The following PSD3 variants were observed in gnomAD, a reference collection of about 807,000 sequenced individuals.
PSD3 encodes the protein pleckstrin and Sec7 domain containing 3.
PSD3 carries 49 observed loss-of-function variants against 105.5 expected under a neutral mutation model. The observed-to-expected ratio is 0.46, with a 90% CI of 0.37 to 0.59. PSD3 has a LOEUF of 0.59. PSD3 is among the 20% of genes least tolerant of loss of function. PSD3 has a pLI of 0.00. For missense variants in PSD3, 1,561 were observed against 1,263.8 expected (o/e 1.24, Z -3.57); for synonymous variants, 557 against 457.8 (o/e 1.22, Z -2.77).
chr8:18,719,422 C>G (rs185080893), intron 9 of PSD3, among the ~76,000 whole-genome samples: 1 of 152,106 alleles, frequency 6.6e-6, no homozygotes, highest in Admixed American at 6.5e-5. Flanking sequence ...CATACACAAC[C>G]CTGGCAGAAG....
chr8:18,566,050 A>G (rs1026734674), intron 14 of PSD3, among the ~76,000 whole-genome samples: 5 of 152,182 alleles, frequency 3.3e-5, no homozygotes, highest in African/African-American at 9.7e-5. Flanking sequence ...TCCTAGGGGC[A>G]GCCAGACATC....
intron 1 of PSD3, chr8:19,000,996 A>G (rs1032939667): frequency 6.6e-6 from 1 of 151,894 alleles, no homozygotes; most frequent in Non-Finnish European, 1.5e-5. Flanking sequence ...CTCTTATACA[A>G]AGTGATGTAA....
Position 18,799,377 on chromosome 8 carries a change from AAG to A in PSD3, c.2024-26_2024-25del, listed in dbSNP as rs1491138367. 79 of 1,555,768 alleles carry A rather than the reference AAG, an allele frequency of 5.1e-5. No homozygotes were observed. The South Asian group carries it at 5.4e-4, about 11-fold the overall frequency. Reference sequence around the variant, plus strand: ...ATCTAAAGAAAGATACAAGAAAAAAAAGCATGAATTCGCTTTTCACTGTTGGA... The same window carrying A: ...ATCTAAAGAAAGATACAAGAAAAAAACATGAATTCGCTTTTCACTGTTGGA... On this transcript the variant is annotated intron_variant, in intron 7 of 15. Coordinates refer to ENST00000327040, the MANE Select transcript of PSD3 (RefSeq NM_015310.4).
chr8:18,853,465 C>T (rs1815753837), intron 4 of PSD3, among the ~76,000 whole-genome samples: 7 of 152,098 alleles, frequency 4.6e-5, no homozygotes. Context: ...CCTCACTTAT[C>T]CCCTGCCTGT....
At chr8:18,733,087 A>C (rs1281135388) in intron 9 of PSD3, 1 of 152,124 alleles carries the variant, frequency 6.6e-6, no homozygotes, top group East Asian at 1.9e-4. Context: ...GTCCTTTAAA[A>C]ATACAGAAAG....
At position 18,556,275 on chromosome 8, in the gene PSD3, G is replaced by A. The variant is rs28651847; in HGVS notation, c.2862C>T (p.Pro954=). The change falls in exon 15 of 16, where the codon CCC becomes CCT. Residue 954 remains proline, a synonymous_variant. Coordinates refer to ENST00000327040, the MANE Select transcript of PSD3 (RefSeq NM_015310.4). ...TELAEHRSYP[P]DKKVKAKDVD... ...CGTCCTTGGCTTTGACCTTCTTGTC[G>A]GGGGGATATGAGCGGTGCTCGGCCA... 2.7e-3 allele frequency: 4,390 copies of A among 1,613,814 alleles called. 106 individuals carry two copies. In the African/African-American group the frequency reaches 0.052, roughly 19 times the overall value.
intron 8 of PSD3, among the ~76,000 whole-genome samples, chr8:18,780,316 T>A (rs1401852512): frequency 6.6e-6 from 1 of 151,428 alleles, no homozygotes; most frequent in Non-Finnish European, 1.5e-5. Context: ...ACCAGTAAAG[T>A]CAGTTTTTTA....
rs73202115 is a variant in PSD3, at chr8:18,817,413, C to T, written c.1635-12515G>A. On this transcript the variant is annotated intron_variant, in intron 4 of 15. Transcript: ENST00000327040. ...CTGTAGGTCATGGATTCAGAGCATA[C>T]TCTCCCCAGCACTGTGCCCCGAGGG... Among the ~76,000 whole-genome samples, 887 of 152,272 alleles carry T rather than the reference C, an allele frequency of 5.8e-3. 7 individuals carry two copies. The highest frequency in any genetic ancestry group is 0.011 in the Non-Finnish European group (722 of 68,028).
chr8:18,858,107 T>C (rs1255588342), intron 4 of PSD3, among the ~76,000 whole-genome samples: 2 of 152,192 alleles, frequency 1.3e-5, no homozygotes, highest in Non-Finnish European at 2.9e-5. Context: ...GCCAATTCAA[T>C]AGACAGACAT....
At chr8:18,783,642 T>C (rs1585974004) in intron 8 of PSD3, among the ~76,000 whole-genome samples, 1 of 152,212 alleles carries the variant, frequency 6.6e-6, no homozygotes, top group African/African-American at 2.4e-5. Context: ...TTGCTTTTTT[T>C]GTTGTTGTTG....
At chr8:18,984,361 C>T (rs971370708) in intron 1 of PSD3, among the ~76,000 whole-genome samples, 8 of 151,974 alleles carry the variant, frequency 5.3e-5, no homozygotes, top group Admixed American at 2.6e-4. Flanking sequence ...TAAAATGATC[C>T]TAACATAATG....
intron 9 of PSD3, among the ~76,000 whole-genome samples, chr8:18,665,684 TTCATGAAAGAG>T (rs1475589748): frequency 1.3e-5 from 2 of 152,190 alleles, no homozygotes; most frequent in Admixed American, 6.5e-5. Flanking sequence ...ACAGAAATCT[TTCATGAAAGAG>T]TCTACAGCTG....
rs184026654 is a variant in PSD3, at chr8:19,052,654, C to T, written c.324+31552G>A. On this transcript the variant is annotated intron_variant, in intron 1 of 1. Coordinates refer to the PSD3 transcript ENST00000521475. The stretch of plus-strand genomic sequence containing the variant: ...GGCTTCATTGTTAATTCAGCTAATT[C>T]GGAAGTCCAAGTTGGGAAAGGAGTT... Among the ~76,000 whole-genome samples the T allele has an allele frequency of 1.8e-3, 281 of 152,116 alleles. 2 individuals carry two copies. The highest frequency in any genetic ancestry group is 0.013 in the Admixed American group (197 of 15,266).
chr8:18,769,174 T>C (rs1342034332), intron 8 of PSD3, among the ~76,000 whole-genome samples: 1 of 152,186 alleles, frequency 6.6e-6, no homozygotes, highest in Non-Finnish European at 1.5e-5. Context: ...TCTGGGGAGA[T>C]GAATAAATAA....
At chr8:19,076,496 A>C (rs532948368) in intron 1 of PSD3, among the ~76,000 whole-genome samples, 25 of 152,252 alleles carry the variant, frequency 1.6e-4, no homozygotes, top group African/African-American at 5.8e-4. Context: ...AATTTTATTA[A>C]ATATAAGGGC....
chr8:18,657,921 A>C (rs1346101526), intron 9 of PSD3, among the ~76,000 whole-genome samples: 1 of 152,226 alleles, frequency 6.6e-6, no homozygotes. Flanking sequence ...AAACAGCTAA[A>C]ATTTTTCTAA....
chr8:18,907,405 C>G (rs1188410887), intron 2 of PSD3, among the ~76,000 whole-genome samples: 2 of 152,102 alleles, frequency 1.3e-5, no homozygotes, highest in East Asian at 3.9e-4. Context: ...GAAATCCTGG[C>G]CTCCAGTGAT....
chr8:18,529,331 C>A lies in PSD3; in HGVS notation c.*6412G>T, dbSNP rs1048160723. 5.9e-5 allele frequency: 9 copies of A among 152,182 alleles called. No homozygotes were observed. The allele number at this position is 152,182 out of a possible 1,614,324, so 9.4% of individuals were successfully genotyped here. On this transcript the variant is annotated 3_prime_UTR_variant, in exon 16 of 16. Transcript: ENST00000327040. ...AACATCTGTGATGCAGTTTCCACCC[C>A]CTCTGTTCATCACCTCTTTAGAATA...
chr8:18,785,696 A>G (rs1809075682), intron 8 of PSD3, among the ~76,000 whole-genome samples: 1 of 152,142 alleles, frequency 6.6e-6, no homozygotes, highest in African/African-American at 2.4e-5. Context: ...CAGCCTCACT[A>G]AACTTAATCA....
Sources: gnomAD v4.1 joint callset for allele counts (sites outside exome capture counted in the v4.1 genomes callset) on GRCh38, gnomAD v4.1.1 for gene constraint, MANE v1.5 for transcripts, NCBI Gene and HGNC (gene_info 2026-07-23, HGNC 2026-07-21) for gene names.